The following CACNA2D3 variants were observed in gnomAD, a reference collection of about 807,000 sequenced individuals.
CACNA2D3 encodes the protein calcium voltage-gated channel auxiliary subunit alpha2delta 3.
CACNA2D3 carries 60 observed loss-of-function variants against 160.6 expected under a neutral mutation model. That is an observed-to-expected ratio of 0.37 (90% confidence interval 0.30 to 0.46). The LOEUF is 0.46. Among genes scored for constraint, CACNA2D3 ranks in the 20% least tolerant of loss-of-function variants. CACNA2D3 has a pLI of 1.00. For synonymous variants in CACNA2D3, 558 were observed against 492.9 expected (o/e 1.13, Z -1.75); for missense variants, 1,205 against 1,365.0 (o/e 0.88, Z 1.85).
intron 2 of CACNA2D3, among the ~76,000 whole-genome samples, chr3:54,198,115 T>G (rs1188074118): frequency 1.3e-5 from 2 of 152,240 alleles, no homozygotes; most frequent in African/African-American, 4.8e-5. Context: ...TTAAAAGATC[T>G]AAAAGGCTGG....
intron 31 of CACNA2D3, among the ~76,000 whole-genome samples, chr3:54,994,057 G>A (rs1256352620): frequency 1.3e-5 from 2 of 152,024 alleles, no homozygotes; most frequent in African/African-American, 4.8e-5. Context: ...CCTTGTCGCT[G>A]CACCCCACAA....
intron 14 of CACNA2D3, among the ~76,000 whole-genome samples, chr3:54,818,561 A>C (rs1318300730): frequency 6.6e-6 from 1 of 152,258 alleles, no homozygotes; most frequent in Admixed American, 6.5e-5. Context: ...ATACTTCAGT[A>C]GCACTTACTT....
chr3:54,975,454 G>T (rs1702366352), intron 29 of CACNA2D3, among the ~76,000 whole-genome samples: 1 of 150,448 alleles, frequency 6.6e-6, no homozygotes, highest in Admixed American at 6.6e-5. Context: ...GGGAGGCAGA[G>T]GTTGCAGTGA....
chr3:54,942,963 G>T (rs1173618423), intron 27 of CACNA2D3, among the ~76,000 whole-genome samples: 3 of 152,090 alleles, frequency 2.0e-5, no homozygotes, highest in African/African-American at 4.8e-5. Flanking sequence ...GGCGGAGGTT[G>T]CAGTGAGCTG....
chr3:54,968,605 C>T (rs1702205381), intron 28 of CACNA2D3, 94 bp downstream of exon 28: 2 of 849,136 alleles, frequency 2.4e-6, no homozygotes, highest in Admixed American at 2.1e-5. Context: ...GCCAGATTTC[C>T]GATGAATGTT....
chr3:55,024,863 A>G (rs1287090090), intron 35 of CACNA2D3, among the ~76,000 whole-genome samples: 1 of 152,206 alleles, frequency 6.6e-6, no homozygotes, highest in Non-Finnish European at 1.5e-5. Context: ...TATAGCATAT[A>G]TGTCTCAGAT....
At chr3:54,630,164 G>A (rs1426190009) in intron 10 of CACNA2D3, among the ~76,000 whole-genome samples, 2 of 152,136 alleles carry the variant, frequency 1.3e-5, no homozygotes, top group Non-Finnish European at 2.9e-5. Context: ...GATTCAGCCT[G>A]ATGAGGCAGG....
At chr3:54,195,014 C>T (rs1480219441) in intron 2 of CACNA2D3, among the ~76,000 whole-genome samples, 2 of 152,210 alleles carry the variant, frequency 1.3e-5, no homozygotes, top group Non-Finnish European at 1.5e-5. Context: ...CACATGGCCA[C>T]CCATCCAACG....
At chr3:54,993,150 G>A (rs560990825) in intron 31 of CACNA2D3, among the ~76,000 whole-genome samples, 4 of 152,274 alleles carry the variant, frequency 2.6e-5, no homozygotes, top group African/African-American at 7.2e-5. Context: ...ATGAAATTTG[G>A]GTGAGGACAC....
chr3:54,262,378 G>T (rs1702417471), intron 2 of CACNA2D3, among the ~76,000 whole-genome samples: 1 of 152,112 alleles, frequency 6.6e-6, no homozygotes, highest in Non-Finnish European at 1.5e-5. Context: ...AAAGATGAAA[G>T]AAAACATTTC....
chr3:54,390,660 G>T (rs9862712), intron 4 of CACNA2D3, among the ~76,000 whole-genome samples: 36,291 of 152,080 alleles, frequency 0.24, 4,439 homozygotes, highest in Middle Eastern at 0.32. Context: ...TGATAAACTG[G>T]CTGTGCATGG....
At chr3:54,949,605 A>C (rs1701704409) in intron 27 of CACNA2D3, among the ~76,000 whole-genome samples, 1 of 152,184 alleles carries the variant, frequency 6.6e-6, no homozygotes, top group South Asian at 2.1e-4. Context: ...ATCAGGGCAC[A>C]TTATCAACAT....
intron 12 of CACNA2D3, among the ~76,000 whole-genome samples, chr3:54,758,208 A>G (rs72874210): frequency 0.032 from 4,841 of 152,236 alleles, 285 homozygotes; most frequent in African/African-American, 0.11. Context: ...GGGTGTAGCC[A>G]CAGAGCTATA....
chr3:54,634,109 G>C (rs1472774466), intron 10 of CACNA2D3, among the ~76,000 whole-genome samples: 1 of 152,122 alleles, frequency 6.6e-6, no homozygotes, highest in Non-Finnish European at 1.5e-5. Flanking sequence ...TGAAGACTAG[G>C]CATTAATATC....
chr3:54,420,243 C>A (rs891893747), intron 4 of CACNA2D3, among the ~76,000 whole-genome samples: 1 of 152,128 alleles, frequency 6.6e-6, no homozygotes. Context: ...CGCCACTATG[C>A]CCAGCTAATT....
intron 14 of CACNA2D3, among the ~76,000 whole-genome samples, chr3:54,828,360 T>C (rs77017951): frequency 0.017 from 2,529 of 152,316 alleles, 63 homozygotes; most frequent in African/African-American, 0.057. Context: ...AAGCAGGTTA[T>C]ACCCAAATAA....
At chr3:54,675,501 A>T (rs1276074521) in intron 11 of CACNA2D3, among the ~76,000 whole-genome samples, 2 of 152,050 alleles carry the variant, frequency 1.3e-5, no homozygotes, top group East Asian at 1.9e-4. Flanking sequence ...GCCCCTGGGG[A>T]AAGGTGGTCA....
chr3:55,008,768 C>A (rs1334348428), intron 33 of CACNA2D3, among the ~76,000 whole-genome samples: 1 of 152,012 alleles, frequency 6.6e-6, no homozygotes. Context: ...CTCTCTTCAT[C>A]CACTGGAGGA....
intron 3 of CACNA2D3, among the ~76,000 whole-genome samples, chr3:54,331,840 C>G (rs891001212): frequency 6.6e-6 from 1 of 152,192 alleles, no homozygotes; most frequent in Non-Finnish European, 1.5e-5. Context: ...TCTGTTTTCT[C>G]CCAATCTCAA....
Sources: gnomAD v4.1 joint callset for allele counts (sites outside exome capture counted in the v4.1 genomes callset) on GRCh38, gnomAD v4.1.1 for gene constraint, MANE v1.5 for transcripts, NCBI Gene and HGNC (gene_info 2026-07-23, HGNC 2026-07-21) for gene names.